The following MBD5 variants were observed in gnomAD, a reference collection of about 807,000 sequenced individuals.
MBD5 encodes methyl-CpG binding domain protein 5.
A neutral mutation model predicts 117.3 loss-of-function variants in MBD5; 13 were observed. The ratio of observed to expected loss-of-function variants is 0.11; its 90% CI spans 0.07 to 0.18. The LOEUF (loss-of-function observed/expected upper bound fraction) is 0.18, where lower values mean the gene tolerates loss of function less well. MBD5 is among the 10% of genes least tolerant of loss of function. The pLI, the probability that MBD5 is intolerant of heterozygous loss-of-function variation, is 1.00. For missense variants in MBD5, 1,879 were observed against 2,093.8 expected, an observed-to-expected ratio of 0.90 and a Z score of 2.00; for synonymous variants, 727 against 766.4, an observed-to-expected ratio of 0.95 and a Z score of 0.85.
At chr2:148,384,186 T>C (rs563294653) in intron 4 of MBD5, among the ~76,000 whole-genome samples, 1 of 152,296 alleles carries the variant, frequency 6.6e-6, no homozygotes, top group East Asian at 1.9e-4. Context: ...TGTTTGCAGA[T>C]GACATGATTG....
chr2:148,116,190 A>G (rs1696634833), intron 1 of MBD5, among the ~76,000 whole-genome samples: 1 of 95,580 alleles, frequency 1.0e-5, no homozygotes, highest in African/African-American at 3.9e-5. Flanking sequence ...TGTTTTTTTA[A>G]TGTGGCTAGT....
chr2:148,150,807 GC>G lies in MBD5; in HGVS notation c.-924-27892del, dbSNP rs554033550. ...CATTCATTTTGTATCCTGAGACTTT[GC>G]TGAAGTTGCTTATCAGCTTAAGGAG... is the stretch of plus-strand genomic sequence containing the variant. On this transcript the variant is annotated intron_variant, in intron 1 of 13. Coordinates refer to ENST00000642680, the MANE Select transcript of MBD5 (RefSeq NM_001378120.1). 2.4e-3 allele frequency among the ~76,000 whole-genome samples: 370 copies of G among 152,292 alleles called. 2 individuals are homozygous for G. Among genetic ancestry groups the G allele is most frequent in the African/African-American group, 8.3e-3 (343 of 41,556 alleles).
intron 1 of MBD5, among the ~76,000 whole-genome samples, chr2:148,047,087 C>T (rs1694554420): frequency 6.6e-6 from 1 of 152,214 alleles, no homozygotes; most frequent in African/African-American, 2.4e-5. Context: ...GCCTTATCCA[C>T]TGTCTCCCCC....
At chr2:148,315,038 AG>A (rs910266851) in intron 3 of MBD5, among the ~76,000 whole-genome samples, 1 of 151,846 alleles carries the variant, frequency 6.6e-6, no homozygotes, top group African/African-American at 2.4e-5. Flanking sequence ...TTCTGAGGAG[AG>A]GGGGACTAAG....
At position 148,443,274 on chromosome 2, in the gene MBD5, C is replaced by T. The variant is rs142542136; in HGVS notation, c.-556-14929C>T. 8.5e-4 allele frequency among the ~76,000 whole-genome samples: 128 copies of T among 151,300 alleles called. 9 individuals carry two copies. The highest frequency in any genetic ancestry group is 2.9e-3 in the African/African-American group (118 of 40,702). Reference sequence around the variant, plus strand: ...TGGTGATGATATGGAGAAAAGGGAACCTTTGTACACTGTTGTACACTGGAA... The same window carrying T: ...TGGTGATGATATGGAGAAAAGGGAATCTTTGTACACTGTTGTACACTGGAA... On this transcript the variant is annotated intron_variant, in intron 4 of 13. Transcript: ENST00000642680.
chr2:148,236,465 C>A (rs1215078498), intron 3 of MBD5, among the ~76,000 whole-genome samples: 1 of 152,122 alleles, frequency 6.6e-6, no homozygotes, highest in East Asian at 1.9e-4. Context: ...CATGAATCTC[C>A]TTGTATATCT....
chr2:148,507,387 CACAT>C (rs1456909607), intron 12 of MBD5, among the ~76,000 whole-genome samples: 1 of 152,158 alleles, frequency 6.6e-6, no homozygotes, highest in African/African-American at 2.4e-5. Flanking sequence ...CATGAAGTAT[CACAT>C]ACAAACAGTT....
At chr2:148,063,846 A>G (rs145649701) in intron 1 of MBD5, among the ~76,000 whole-genome samples, 41 of 152,130 alleles carry the variant, frequency 2.7e-4, no homozygotes, top group African/African-American at 9.1e-4. Flanking sequence ...GTATTTAATA[A>G]TCCTATTCTT....
intron 4 of MBD5, among the ~76,000 whole-genome samples, chr2:148,441,524 G>T (rs1255427953): frequency 6.6e-6 from 1 of 152,172 alleles, no homozygotes; most frequent in African/African-American, 2.4e-5. Context: ...ATTTGGGTTT[G>T]TTCCAAGTCT....
At chr2:148,408,881 A>T (rs980099351) in intron 4 of MBD5, among the ~76,000 whole-genome samples, 1 of 152,088 alleles carries the variant, frequency 6.6e-6, no homozygotes. Context: ...AACCAGTCAC[A>T]TAGCATTTAC....
rs201465308 is a variant in MBD5, at chr2:148,489,880, A to G, written c.4248A>G (p.Glu1416=). 4 of 1,614,172 alleles carry G rather than the reference A, an allele frequency of 2.5e-6. No homozygotes were observed. Among genetic ancestry groups the G allele is most frequent in the Non-Finnish European group, 2.5e-6 (3 of 1,180,034 alleles). Residue 1416 remains glutamate (E), a synonymous_variant, in exon 11 of 14, where the codon GAA becomes GAG. Transcript: ENST00000642680. ...GKNVNEGDGF[E]YFKSASCHTS... The stretch of plus-strand genomic sequence containing the variant: ...ATGTGAACGAAGGAGATGGGTTTGA[A>G]TATTTCAAGTCAGCAAGTTGCCACA...
intron 3 of MBD5, chr2:148,330,593 G>A (rs1702621299): frequency 6.6e-6 from 1 of 152,132 alleles, no homozygotes; most frequent in South Asian, 2.1e-4. Flanking sequence ...AAAGAGACGT[G>A]GTTTCAGGTA....
chr2:148,366,618 C>A (rs1274381081), intron 4 of MBD5, among the ~76,000 whole-genome samples: 1 of 152,198 alleles, frequency 6.6e-6, no homozygotes, highest in Admixed American at 6.5e-5. Flanking sequence ...TGATGAGCAA[C>A]TTCAGCAAAG....
chr2:148,450,892 C>T (rs919410946), intron 4 of MBD5, among the ~76,000 whole-genome samples: 2 of 152,110 alleles, frequency 1.3e-5, no homozygotes, highest in Admixed American at 6.6e-5. Context: ...AATAAATAAA[C>T]TTATTGACCA....
chr2:148,077,459 T>C (rs1419141160), intron 1 of MBD5, among the ~76,000 whole-genome samples: 2 of 152,198 alleles, frequency 1.3e-5, no homozygotes, highest in Non-Finnish European at 2.9e-5. Context: ...GATACCTGCT[T>C]CCTTAGTTTT....
At chr2:148,125,632 G>C (rs1317900520) in intron 1 of MBD5, among the ~76,000 whole-genome samples, 2 of 152,156 alleles carry the variant, frequency 1.3e-5, no homozygotes. Context: ...CATCTTGGAA[G>C]TCTATCTACA....
intron 4 of MBD5, among the ~76,000 whole-genome samples, chr2:148,453,398 C>T (rs919293420): frequency 6.6e-6 from 1 of 151,954 alleles, no homozygotes; most frequent in African/African-American, 2.4e-5. Flanking sequence ...CAGGTATCTC[C>T]CTCAGAACAT....
intron 2 of MBD5, among the ~76,000 whole-genome samples, chr2:148,224,181 G>A (rs907916543): frequency 1.3e-5 from 2 of 152,146 alleles, no homozygotes; most frequent in African/African-American, 4.8e-5. Context: ...GGAAAAAAAT[G>A]TGTATTCTGC....
chr2:148,310,152 G>C (rs901280156), intron 3 of MBD5, among the ~76,000 whole-genome samples: 2 of 152,100 alleles, frequency 1.3e-5, no homozygotes, highest in African/African-American at 2.4e-5. Flanking sequence ...GAGTGATGCT[G>C]CCCTCATAAA....
Sources: allele counts gnomAD v4.1 joint callset (sites outside exome capture counted in the v4.1 genomes callset), GRCh38; gene constraint gnomAD v4.1.1; transcripts MANE v1.5; gene names NCBI Gene and HGNC (gene_info 2026-07-23, HGNC 2026-07-21).